TNR: variants seen among roughly 807,000 people sequenced by gnomAD.
The protein encoded by TNR is tenascin R, also known as tenascin-R.
In TNR, 45 loss-of-function variants were observed where a neutral mutation model predicts 150.4. The ratio of observed to expected loss-of-function variants is 0.30; its 90% CI spans 0.24 to 0.38. TNR has a LOEUF of 0.38. Ranked by LOEUF, TNR falls within the 10% of genes least tolerant of loss-of-function variation. The pLI is 1.00. For missense variants in TNR, 1,544 were observed against 1,759.1 expected, an observed-to-expected ratio of 0.88 and a Z score of 2.19; for synonymous variants, 687 against 678.4, an observed-to-expected ratio of 1.01 and a Z score of -0.20.
rs373882024 is a variant in TNR at position 175,568,218 on chromosome 1, C to A, written c.-164-39849G>T. 2.0e-5 allele frequency among the ~76,000 whole-genome samples: 3 copies of A among 152,148 alleles called. No individual in the cohort carries two copies. The East Asian group carries it at 5.8e-4, about 29-fold the overall frequency. ...TCAGGTTTCTTTTCATATACTATCA[C>A]CCTCATATAGTAAATAATTATTTAG... On this transcript the variant is annotated intron_variant, in intron 1 of 22. Transcript: ENST00000367674.
intron 2 of TNR, among the ~76,000 whole-genome samples, chr1:175,411,235 G>T (rs534380103): frequency 1.4e-4 from 21 of 152,258 alleles, no homozygotes; most frequent in African/African-American, 4.8e-4. Context: ...GTCACTGGAA[G>T]TGTTCAGGTA....
chr1:175,362,667 G>A lies in TNR; in HGVS notation c.2850C>T (p.His950=), dbSNP rs1486962360. The change falls in exon 14 of 23, where the codon CAC becomes CAT. Residue 950 remains histidine, a synonymous_variant. Transcript: ENST00000367674. ...ACAGCAGGGAGACATTCCCACCTGT[G>A]TGCACAAGAGTACAGATGCGCTCGC... ...EESERICTLV[H]TAMDNPVDLI... is the part of the protein sequence containing the mutation. The A allele has an allele frequency of 1.2e-6, 2 of 1,613,844 alleles. No individual in the cohort carries two copies. Among genetic ancestry groups the A allele is most frequent in the African/African-American group, 2.7e-5 (2 of 75,050 alleles).
At chr1:175,580,366 G>C (rs1374254362) in intron 1 of TNR, among the ~76,000 whole-genome samples, 1 of 152,132 alleles carries the variant, frequency 6.6e-6, no homozygotes, top group Non-Finnish European at 1.5e-5. Context: ...GCCTGACACT[G>C]TACCTGGGGG....
intron 1 of TNR, among the ~76,000 whole-genome samples, chr1:175,729,093 C>T (rs1024106235): frequency 3.3e-5 from 5 of 152,264 alleles, no homozygotes; most frequent in Admixed American, 2.0e-4. Context: ...TTTCCTGAGG[C>T]CCTCATATCC....
chr1:175,337,734 G>T (rs1330053838), intron 18 of TNR, 55 bp from the exon 19 acceptor site: 4 of 1,590,188 alleles, frequency 2.5e-6, no homozygotes, highest in Non-Finnish European at 3.4e-6. Flanking sequence ...CAGTGCACAA[G>T]AGCTCCTTGG....
intron 2 of TNR, among the ~76,000 whole-genome samples, chr1:175,421,408 C>T (rs897998382): frequency 1.4e-4 from 22 of 152,280 alleles, no homozygotes; most frequent in African/African-American, 5.1e-4. Flanking sequence ...TTCCCCTGCT[C>T]CCCTGCTGAG....
In TNR at chr1:175,458,953, A is replaced by T. The variant is rs1045844533; in HGVS notation, c.-63-52176T>A. Among the ~76,000 whole-genome samples the T allele has an allele frequency of 1.2e-4, 12 of 102,642 alleles. 1 individual carries two copies. The African/African-American group carries it at 1.5e-3, about 12-fold the overall frequency. 67.3% of individuals were successfully genotyped at this position (102,642 alleles called of 152,430 possible). A position where few individuals can be genotyped will look rare whatever the true frequency, so the allele number is the denominator to read the frequency against. ...CATCACCACCACCATTAGCACCTCC[A>T]CCAACACCATCACCACCACGTTAAC... On this transcript the variant is annotated intron_variant, in intron 2 of 22. Transcript: ENST00000367674.
At chr1:175,356,097 T>C (rs1651312060) in intron 16 of TNR, among the ~76,000 whole-genome samples, 1 of 152,176 alleles carries the variant, frequency 6.6e-6, no homozygotes. Context: ...GACCTGGTTC[T>C]TCTGCTGTCA....
At chr1:175,670,204 T>C (rs1297031657) in intron 1 of TNR, among the ~76,000 whole-genome samples, 1 of 152,210 alleles carries the variant, frequency 6.6e-6, no homozygotes, top group Non-Finnish European at 1.5e-5. Flanking sequence ...CAATATTTCC[T>C]ATGTCCAGGG....
At chr1:175,557,049 G>A (rs2102205525) in intron 1 of TNR, among the ~76,000 whole-genome samples, 1 of 152,308 alleles carries the variant, frequency 6.6e-6, no homozygotes, top group Middle Eastern at 3.4e-3. Flanking sequence ...AGCTGAGGAT[G>A]TCTCCCCACT....
intron 2 of TNR, among the ~76,000 whole-genome samples, chr1:175,436,792 A>G (rs1571436996): frequency 6.6e-6 from 1 of 152,252 alleles, no homozygotes; most frequent in South Asian, 2.1e-4. Flanking sequence ...AAAGAAGGCC[A>G]TTACATAATG....
intron 1 of TNR, among the ~76,000 whole-genome samples, chr1:175,645,011 A>C (rs1664769585): frequency 6.6e-6 from 1 of 152,234 alleles, no homozygotes; most frequent in Non-Finnish European, 1.5e-5. Flanking sequence ...GTCAATGATG[A>C]AATGAACAAA....
intron 1 of TNR, among the ~76,000 whole-genome samples, chr1:175,631,579 C>T (rs1030107996): frequency 2.0e-5 from 3 of 152,056 alleles, no homozygotes; most frequent in African/African-American, 7.2e-5. Flanking sequence ...CCTAAGGAAG[C>T]TAAAAGATTG....
chr1:175,350,053 T>C (rs17375910), intron 18 of TNR, among the ~76,000 whole-genome samples: 17,534 of 152,260 alleles, frequency 0.12, 1,263 homozygotes, highest in Non-Finnish European at 0.15. Flanking sequence ...CTGATAAGTA[T>C]GTGAATTTCC....
At chr1:175,479,654 G>A (rs895148281) in intron 2 of TNR, among the ~76,000 whole-genome samples, 3 of 152,126 alleles carry the variant, frequency 2.0e-5, no homozygotes, top group Non-Finnish European at 2.9e-5. Flanking sequence ...CTGCCTTGAC[G>A]TCAAGCTAAA....
chr1:175,661,967 G>C, intron 1 of TNR, among the ~76,000 whole-genome samples: 1 of 151,978 alleles, frequency 6.6e-6, no homozygotes, highest in Middle Eastern at 3.2e-3. Flanking sequence ...GACCTAGAAG[G>C]TGGCATTCCC....
At chr1:175,688,005 T>C (rs977847618) in intron 1 of TNR, among the ~76,000 whole-genome samples, 1 of 152,230 alleles carries the variant, frequency 6.6e-6, no homozygotes, top group Non-Finnish European at 1.5e-5. Flanking sequence ...ACATAAGTTA[T>C]AAATTAAATT....
At chr1:175,588,473 T>C (rs1413397023) in intron 1 of TNR, among the ~76,000 whole-genome samples, 1 of 152,216 alleles carries the variant, frequency 6.6e-6, no homozygotes, top group Non-Finnish European at 1.5e-5. Flanking sequence ...CATAGCATCA[T>C]AGTAGCTGCT....
chr1:175,359,139 C>CTTTTATTT (rs1651468170), intron 15 of TNR, among the ~76,000 whole-genome samples: 1 of 42,138 alleles, frequency 2.4e-5, no homozygotes, highest in Non-Finnish European at 4.3e-5. Flanking sequence ...GGGATATCTT[C>CTTTTATTT]TTTTTTTTTT....
Sources: allele counts gnomAD v4.1 joint callset (sites outside exome capture counted in the v4.1 genomes callset), GRCh38; gene constraint gnomAD v4.1.1; transcripts MANE v1.5; gene names NCBI Gene and HGNC (gene_info 2026-07-23, HGNC 2026-07-21).